DNER: variants seen among roughly 807,000 people sequenced by gnomAD.
DNER encodes delta/notch like EGF repeat containing.
In DNER, 33 loss-of-function variants were observed where a neutral mutation model predicts 78.2. The observed-to-expected ratio is 0.42, with a 90% confidence interval of 0.32 to 0.56. The LOEUF (loss-of-function observed/expected upper bound fraction) is 0.56. DNER is among the 20% of genes least tolerant of loss of function. The pLI, the probability that DNER is intolerant of heterozygous loss-of-function variation, is 0.11. For missense variants in DNER, 918 were observed against 975.3 expected (o/e 0.94, Z 0.78); for synonymous variants, 417 against 384.8 (o/e 1.08, Z -0.98).
chr2:229,416,406 G>A (rs539648664), intron 9 of DNER, among the ~76,000 whole-genome samples: 97 of 152,328 alleles, frequency 6.4e-4, no homozygotes, highest in African/African-American at 2.1e-3. Flanking sequence ...TCTTGGCAGA[G>A]ACAGACAACA....
At chr2:229,393,724 G>C (rs1693068563) in intron 10 of DNER, among the ~76,000 whole-genome samples, 1 of 152,004 alleles carries the variant, frequency 6.6e-6, no homozygotes, top group Non-Finnish European at 1.5e-5. Context: ...GCGGGCGCCT[G>C]TAGTCCCAGC....
chr2:229,486,106 T>C (rs1394897975), intron 6 of DNER, among the ~76,000 whole-genome samples: 2 of 152,146 alleles, frequency 1.3e-5, no homozygotes, highest in African/African-American at 4.8e-5. Flanking sequence ...TGCCTAATAT[T>C]AGCACTCTGA....
chr2:229,665,582 C>T (rs544808331), intron 1 of DNER, among the ~76,000 whole-genome samples: 3 of 152,076 alleles, frequency 2.0e-5, no homozygotes, highest in East Asian at 3.9e-4. Context: ...TAATGTTGAC[C>T]TCAAATAGTT....
chr2:229,503,701 A>G (rs533312172), intron 6 of DNER, among the ~76,000 whole-genome samples: 1 of 152,282 alleles, frequency 6.6e-6, no homozygotes, highest in Admixed American at 6.5e-5. Flanking sequence ...GATTCTAGTA[A>G]TGTGGGGGTA....
At chr2:229,706,199 T>G (rs1333113325) in intron 1 of DNER, among the ~76,000 whole-genome samples, 6 of 152,082 alleles carry the variant, frequency 3.9e-5, no homozygotes, top group Non-Finnish European at 7.4e-5. Flanking sequence ...CCACCAATGT[T>G]TACGGAAATA....
intron 4 of DNER, among the ~76,000 whole-genome samples, chr2:229,565,922 C>T (rs536589999): frequency 4.7e-4 from 72 of 152,290 alleles, no homozygotes; most frequent in Non-Finnish European, 5.7e-4. Flanking sequence ...CCCACTAGTA[C>T]AGTTTCAACT....
At chr2:229,564,572 C>T (rs950923420) in intron 4 of DNER, among the ~76,000 whole-genome samples, 42 of 150,364 alleles carry the variant, frequency 2.8e-4, no homozygotes, top group African/African-American at 9.1e-4. Flanking sequence ...TCATCATCAA[C>T]ATCATCACCC....
At chr2:229,542,903 C>A (rs187045966) in intron 5 of DNER, among the ~76,000 whole-genome samples, 1 of 151,898 alleles carries the variant, frequency 6.6e-6, no homozygotes, top group Admixed American at 6.6e-5. Context: ...ATGAAATGGA[C>A]GTGGTCATTC....
intron 1 of DNER, among the ~76,000 whole-genome samples, chr2:229,604,982 G>C (rs1697906256): frequency 6.6e-6 from 1 of 152,150 alleles, no homozygotes; most frequent in African/African-American, 2.4e-5. Context: ...CGTGTGTTCA[G>C]ATTGTCTCAT....
intron 8 of DNER, among the ~76,000 whole-genome samples, chr2:229,433,724 C>T (rs1383357779): frequency 6.6e-6 from 1 of 151,920 alleles, no homozygotes; most frequent in Non-Finnish European, 1.5e-5. Context: ...TAATACAGCA[C>T]CAAGATTAAG....
rs182375847 is a variant in DNER, at chr2:229,647,920, T to C, written c.277-56032A>G. On this transcript the variant is annotated intron_variant, in intron 1 of 12. Transcript: ENST00000341772. ...GATAATCATCTGTGATTCGGGAGGTTACAAGTGACTTACTTTCTTTTTATT... is the reference window on the plus strand; with the variant it reads ...GATAATCATCTGTGATTCGGGAGGTCACAAGTGACTTACTTTCTTTTTATT... 1.2e-3 allele frequency among the ~76,000 whole-genome samples: 183 copies of C among 152,350 alleles called. 1 individual carries two copies. Among genetic ancestry groups the C allele is most frequent in the African/African-American group, 4.0e-3 (168 of 41,596 alleles).
At chr2:229,460,650 GT>G (rs1193978379) in intron 7 of DNER, among the ~76,000 whole-genome samples, 1 of 152,056 alleles carries the variant, frequency 6.6e-6, no homozygotes, top group African/African-American at 2.4e-5. Context: ...TTGAATATTA[GT>G]TTTTAATATT....
intron 10 of DNER, among the ~76,000 whole-genome samples, chr2:229,394,897 G>C (rs1465360819): frequency 1.3e-5 from 2 of 152,160 alleles, no homozygotes; most frequent in East Asian, 3.8e-4. Context: ...AATGAATTCT[G>C]TTTTCTCCAT....
At chr2:229,687,826 T>G (rs1699511720) in intron 1 of DNER, among the ~76,000 whole-genome samples, 2 of 152,200 alleles carry the variant, frequency 1.3e-5, no homozygotes, top group South Asian at 4.1e-4. Flanking sequence ...TCACACAATA[T>G]TTACATAACT....
intron 4 of DNER, among the ~76,000 whole-genome samples, chr2:229,581,762 G>A (rs1697400931): frequency 6.6e-6 from 1 of 152,180 alleles, no homozygotes; most frequent in African/African-American, 2.4e-5. Context: ...AACTTTTAAA[G>A]AGTATTTGTG....
intron 1 of DNER, among the ~76,000 whole-genome samples, chr2:229,652,509 T>G (rs570046923): frequency 6.6e-6 from 1 of 152,050 alleles, no homozygotes; most frequent in African/African-American, 2.4e-5. Flanking sequence ...CCCATCAATA[T>G]GATGTTAAAG....
intron 5 of DNER, among the ~76,000 whole-genome samples, chr2:229,516,820 G>T (rs1199063926): frequency 6.9e-6 from 1 of 144,816 alleles, no homozygotes; most frequent in Non-Finnish European, 1.5e-5. Context: ...GAAAAGAAAA[G>T]AAAAAGGCCG....
intron 1 of DNER, among the ~76,000 whole-genome samples, chr2:229,647,097 G>A (rs948517183): frequency 1.3e-5 from 2 of 152,218 alleles, no homozygotes; most frequent in African/African-American, 4.8e-5. Flanking sequence ...AACCCAGGAG[G>A]AGGAGGTTGC....
At chr2:229,451,536 C>T (rs1694457131) in intron 7 of DNER, among the ~76,000 whole-genome samples, 1 of 152,182 alleles carries the variant, frequency 6.6e-6, no homozygotes, top group African/African-American at 2.4e-5. Flanking sequence ...CTGGTTCTAA[C>T]CCTTTAGGTG....
Sources: allele counts gnomAD v4.1 joint callset (sites outside exome capture counted in the v4.1 genomes callset), GRCh38; gene constraint gnomAD v4.1.1; transcripts MANE v1.5; gene names NCBI Gene and HGNC (gene_info 2026-07-23, HGNC 2026-07-21).